Variants in PHF3 observed in about 807,000 individuals in gnomAD.
PHF3 encodes the protein PHD finger protein 3.
A neutral mutation model predicts 178.4 loss-of-function variants in PHF3; 41 were observed. That is an observed-to-expected ratio of 0.23 (90% CI 0.18 to 0.30). The LOEUF (loss-of-function observed/expected upper bound fraction) is 0.30, where lower values mean the gene tolerates loss of function less well. Ranked by LOEUF, PHF3 falls within the 10% of genes least tolerant of loss-of-function variation. PHF3 has a pLI of 1.00. For missense variants in PHF3, 2,346 were observed against 2,398.1 expected, an observed-to-expected ratio of 0.98 and a Z score of 0.45; for synonymous variants, 842 against 800.5, an observed-to-expected ratio of 1.05 and a Z score of -0.88.
chr6:63,668,262 C>A lies in PHF3; in HGVS notation c.245-11738C>A, dbSNP rs1765762359. Among the ~76,000 whole-genome samples, 3 of 152,310 alleles carry A rather than the reference C, an allele frequency of 2.0e-5. No individual in the cohort carries two copies. The Middle Eastern group carries it at 0.01, about 518-fold the overall frequency. On this transcript the variant is annotated intron_variant, in intron 2 of 15. Coordinates refer to ENST00000262043, the MANE Select transcript of PHF3 (RefSeq NM_001370348.2). ...CAGAGTTAGGAGTTGGAGGAATGAT[C>A]TTTCAGAGTAAAGAGTTTTGGTGAA...
intron 2 of PHF3, 83 bp from the exon 3 acceptor site, chr6:63,679,917 C>A: frequency 1.8e-6 from 2 of 1,088,432 alleles, no homozygotes; most frequent in Non-Finnish European, 2.8e-6. Flanking sequence ...TTAAGACTAT[C>A]TCACAGTATT....
intron 2 of PHF3, among the ~76,000 whole-genome samples, chr6:63,662,625 A>C (rs1263180081): frequency 2.0e-5 from 3 of 152,138 alleles, no homozygotes; most frequent in Admixed American, 2.0e-4. Context: ...TGGTATTGGC[A>C]CTATTTTCTG....
chr6:63,700,388 T>G lies in PHF3; in HGVS notation c.3021T>G (p.Pro1007=), dbSNP rs914722088. The G allele has an allele frequency of 1.3e-6, 2 of 1,596,822 alleles. No homozygotes were observed. The highest frequency in any genetic ancestry group is 1.7e-6 in the Non-Finnish European group (2 of 1,167,230). Residue 1007 remains proline (P), a synonymous_variant, in exon 9 of 16, where the codon CCT becomes CCG. Coordinates refer to ENST00000262043, the MANE Select transcript of PHF3 (RefSeq NM_001370348.2). ...AAGTACTGAAAGGAGAAGTAACTCC[T>G]GATCATCTTATCAGAATGAGTCCAG... ...FKKVLKGEVT[P]DHLIRMSPEE... is the part of the protein sequence containing the mutation.
At chr6:63,656,852 T>A (rs1765255662) in intron 2 of PHF3, among the ~76,000 whole-genome samples, 1 of 152,232 alleles carries the variant, frequency 6.6e-6, no homozygotes, top group Admixed American at 6.5e-5. Context: ...CATCTAGCAT[T>A]TAATATTGCT....
At chr6:63,639,534 C>A (rs1054600075) in intron 1 of PHF3, among the ~76,000 whole-genome samples, 4 of 151,916 alleles carry the variant, frequency 2.6e-5, no homozygotes, top group Non-Finnish European at 5.9e-5. Flanking sequence ...TTTAAGATTT[C>A]ATTAATGATA....
At position 63,713,227 on chromosome 6, in the gene PHF3, G is replaced by A; in HGVS notation, c.5639G>A (p.Gly1880Asp). Residue 1880 changes from glycine to aspartate, a missense_variant, in exon 16 of 16, where the codon GGC becomes GAC. This residue lies in a region of PHF3 where 839 missense variants were observed against 806.9 expected (regional missense o/e 1.04). Transcript: ENST00000262043. The stretch of plus-strand genomic sequence containing the variant: ...CTCTCACAAGCATCAAGGTATATAG[G>A]CCCGCAGAATTTTTACCAGGTTAAA... ...GPLSQASRYIGPQNFYQVKDI... is the reference protein window; with the variant it reads ...GPLSQASRYIDPQNFYQVKDI... The A allele has an allele frequency of 2.5e-6, 4 of 1,613,972 alleles. No homozygotes were observed.
chr6:63,666,456 T>A (rs2149562546), intron 2 of PHF3, among the ~76,000 whole-genome samples: 1 of 152,124 alleles, frequency 6.6e-6, no homozygotes, highest in East Asian at 1.9e-4. Flanking sequence ...AGCATTTTTT[T>A]TTTCTTTTAA....
At position 63,717,181 on chromosome 6, in the gene PHF3, T is replaced by G. The variant is rs552887155; in HGVS notation, c.*3473T>G. Among the ~76,000 whole-genome samples, 8 of 152,184 alleles carry G rather than the reference T, an allele frequency of 5.3e-5. No homozygotes were observed. In the South Asian group the frequency reaches 1.4e-3, roughly 28 times the overall value. On this transcript the variant is annotated 3_prime_UTR_variant, in exon 16 of 16. Transcript: ENST00000262043. The stretch of plus-strand genomic sequence containing the variant: ...AGCCACTCCATGTTAACGTGTGTGT[T>G]AACATAAAACTACCCGTCAACAGGT...
At chr6:63,645,086 G>A (rs897910192) in intron 1 of PHF3, among the ~76,000 whole-genome samples, 5 of 151,832 alleles carry the variant, frequency 3.3e-5, no homozygotes, top group African/African-American at 4.8e-5. Flanking sequence ...GTTTCGCCTT[G>A]TTGCCTAGGC....
chr6:63,674,105 T>C (rs543852718), intron 2 of PHF3, among the ~76,000 whole-genome samples: 11 of 151,910 alleles, frequency 7.2e-5, no homozygotes, highest in Non-Finnish European at 1.3e-4. Context: ...CTTAAAGATA[T>C]ACAAAAAGGC....
intron 2 of PHF3, among the ~76,000 whole-genome samples, chr6:63,672,742 C>T (rs1223091747): frequency 6.6e-6 from 1 of 152,162 alleles, no homozygotes; most frequent in African/African-American, 2.4e-5. Flanking sequence ...TAACAGCAGA[C>T]AGATTAGAAA....
At chr6:63,693,582 G>C (rs1455693059) in intron 5 of PHF3, among the ~76,000 whole-genome samples, 3 of 152,162 alleles carry the variant, frequency 2.0e-5, no homozygotes, top group Non-Finnish European at 4.4e-5. Flanking sequence ...CTTTATTCCA[G>C]CTTGGGCAAA....
intron 2 of PHF3, among the ~76,000 whole-genome samples, chr6:63,668,491 A>C (rs945788224): frequency 6.6e-6 from 1 of 151,914 alleles, no homozygotes; most frequent in African/African-American, 2.4e-5. Flanking sequence ...GTACCATCAT[A>C]CCTGCTAATT....
chr6:63,694,496 TAATC>T lies in PHF3; in HGVS notation c.2497-82_2497-79del, dbSNP rs370793122. ...GAAAGAGTGAATCTCATTTTACTAA[TAATC>T]AAGAGTTATTTTTGTACGTCTTAAA... On this transcript the variant is annotated intron_variant, in intron 5 of 15. Coordinates refer to ENST00000262043, the MANE Select transcript of PHF3 (RefSeq NM_001370348.2). 766 of 933,352 alleles carry T rather than the reference TAATC, an allele frequency of 8.2e-4. 1 individual carries two copies. Among genetic ancestry groups the T allele is most frequent in the South Asian group, 3.2e-3 (128 of 39,592 alleles). 57.8% of individuals were successfully genotyped at this position (933,352 alleles called of 1,614,324 possible).
In PHF3 at chr6:63,720,017, T is replaced by C. The variant is rs1768310635; in HGVS notation, c.*6309T>C. The stretch of plus-strand genomic sequence containing the variant: ...TTTAGCTCTTACCAGCCTGTTCTCC[T>C]CTCCTCTCACCTTCTCTTTCTACAT... On this transcript the variant is annotated 3_prime_UTR_variant, in exon 16 of 16. Transcript: ENST00000262043. 1 of 152,342 alleles carries C rather than the reference T, an allele frequency of 6.6e-6. No homozygotes were observed. The highest frequency in any genetic ancestry group is 6.6e-5 in the Admixed American group (1 of 15,242). 9.4% of individuals were successfully genotyped at this position (152,342 alleles called of 1,614,324 possible).
chr6:63,648,505 T>C (rs1357866201), intron 2 of PHF3, among the ~76,000 whole-genome samples: 1 of 152,334 alleles, frequency 6.6e-6, no homozygotes, highest in African/African-American at 2.4e-5. Flanking sequence ...ATTCCACCCC[T>C]ATAGTAATAC....
intron 6 of PHF3, among the ~76,000 whole-genome samples, chr6:63,695,626 T>G (rs1767199908): frequency 6.6e-6 from 1 of 152,258 alleles, no homozygotes; most frequent in East Asian, 1.9e-4. Flanking sequence ...CTCTGGTTGC[T>G]CTGTACAGTT....
intron 5 of PHF3, among the ~76,000 whole-genome samples, chr6:63,693,293 T>C (rs1367292037): frequency 6.6e-6 from 1 of 152,196 alleles, no homozygotes; most frequent in African/African-American, 2.4e-5. Context: ...GTATTGACCA[T>C]AGCTGAGTTG....
At chr6:63,670,616 T>C (rs1472279294) in intron 2 of PHF3, among the ~76,000 whole-genome samples, 1 of 152,194 alleles carries the variant, frequency 6.6e-6, no homozygotes, top group African/African-American at 2.4e-5. Flanking sequence ...TTTTGATTGC[T>C]GAGGATAACT....
Sources: gnomAD v4.1 joint callset for allele counts (sites outside exome capture counted in the v4.1 genomes callset) on GRCh38, gnomAD v4.1.1 for gene constraint, gnomAD v4.1.1 regional missense constraint, MANE v1.5 for transcripts, NCBI Gene and HGNC (gene_info 2026-07-23, HGNC 2026-07-21) for gene names.